The following MAP6 variants were observed in gnomAD, a reference collection of about 807,000 sequenced individuals.
MAP6 encodes the protein microtubule associated protein 6, also known as microtubule-associated protein 6.
In MAP6, 26 loss-of-function variants were observed where a neutral mutation model predicts 42.4. That is an observed-to-expected ratio of 0.61 (90% confidence interval 0.45 to 0.85). MAP6 has a LOEUF of 0.85. Ranked by LOEUF, MAP6 falls within the 40% of genes least tolerant of loss-of-function variation. The pLI is 0.00. For missense variants in MAP6, 966 were observed against 1,099.0 expected, an observed-to-expected ratio of 0.88 and a Z score of 1.71; for synonymous variants, 418 against 443.8, an observed-to-expected ratio of 0.94 and a Z score of 0.73.
intron 1 of MAP6, among the ~76,000 whole-genome samples, chr11:75,641,840 C>A (rs1943476205): frequency 6.6e-6 from 1 of 152,180 alleles, no homozygotes; most frequent in African/African-American, 2.4e-5. Context: ...TTCTACTCAA[C>A]CCCCAGAGTC....
chr11:75,610,389 C>T (rs535828510), intron 1 of MAP6, among the ~76,000 whole-genome samples: 3 of 152,300 alleles, frequency 2.0e-5, no homozygotes, highest in South Asian at 4.1e-4. Context: ...CATTCATTCA[C>T]GAAATATGTA....
intron 1 of MAP6, among the ~76,000 whole-genome samples, chr11:75,635,376 G>C (rs1257654517): frequency 6.6e-6 from 1 of 152,188 alleles, no homozygotes; most frequent in African/African-American, 2.4e-5. Context: ...AAGAGAAAAC[G>C]AGTGGCATCT....
intron 1 of MAP6, chr11:75,642,538 C>T (rs1442209578): frequency 6.4e-6 from 1 of 157,260 alleles, no homozygotes; most frequent in African/African-American, 2.4e-5. Context: ...CTCCTTAATA[C>T]AAACAAAAAT....
rs1229850626 is a variant in MAP6 at position 75,667,893 on chromosome 11, G to A, written c.477C>T (p.Asp159=). Residue 159 remains aspartate, a synonymous_variant, in exon 1 of 4, where the codon GAC becomes GAT. Transcript: ENST00000304771. The surrounding 1 kb of genome is among the most constrained non-coding windows in gnomAD (Gnocchi z 5.6). ...PFERETQYQK[D]FRAWPLPRRG... ...GGCGCGGCAGCGGCCAGGCGCGGAA[G>A]TCCTTCTGGTACTGGGTCTCGCGCT... 1.4e-6 allele frequency: 2 copies of A among 1,442,336 alleles called. No individual in the cohort carries two copies. Among genetic ancestry groups the A allele is most frequent in the African/African-American group, 2.9e-5 (2 of 68,744 alleles). 89.3% of individuals were successfully genotyped at this position (1,442,336 alleles called of 1,614,324 possible). A position where few individuals can be genotyped will look rare whatever the true frequency, so the allele number is the denominator to read the frequency against.
intron 3 of MAP6, chr11:75,603,212 G>A (rs775346800): frequency 2.5e-5 from 25 of 985,396 alleles, no homozygotes; most frequent in Non-Finnish European, 2.7e-5. Context: ...GGGAAACAGC[G>A]GGAAAGCTTC....
intron 1 of MAP6, among the ~76,000 whole-genome samples, chr11:75,652,934 G>A (rs554147204): frequency 6.6e-6 from 1 of 152,046 alleles, no homozygotes; most frequent in East Asian, 1.9e-4. Flanking sequence ...TTGGGGCACA[G>A]TTCTGTTTAT....
At chr11:75,608,814 T>C (rs1193608893) in intron 1 of MAP6, among the ~76,000 whole-genome samples, 1 of 152,194 alleles carries the variant, frequency 6.6e-6, no homozygotes, top group African/African-American at 2.4e-5. Flanking sequence ...ATGAAGAACT[T>C]TTGTTGCCCA....
In MAP6 at chr11:75,668,157, T is replaced by A; in HGVS notation, c.213A>T (p.Pro71=). 8.3e-7 allele frequency: 1 copy of A among 1,209,964 alleles called. No individual in the cohort carries two copies. The highest frequency in any genetic ancestry group is 1.0e-6 in the Non-Finnish European group (1 of 981,624). The allele number at this position is 1,209,964 out of a possible 1,614,324, so 75.0% of individuals were successfully genotyped here. The part of the protein sequence containing the change: ...SARAVAIETQ[P]AQGELDAVAR... ...CAACTGCATCCAACTCGCCCTGGGC[T>A]GGCTGCGTCTCTATGGCAACCGCGC... is the stretch of plus-strand genomic sequence containing the variant. The change falls in exon 1 of 4, where the codon CCA becomes CCT. Residue 71 remains proline (P), a synonymous_variant. Transcript: ENST00000304771.
Position 75,668,456 on chromosome 11 carries a change from C to A in MAP6, c.-87G>T. 1 of 1,426,054 alleles carries A rather than the reference C, an allele frequency of 7.0e-7. No individual in the cohort carries two copies. Among genetic ancestry groups the A allele is most frequent in the South Asian group, 1.6e-5 (1 of 64,506 alleles). The allele number at this position is 1,426,054 out of a possible 1,614,324, so 88.3% of individuals were successfully genotyped here. On this transcript the variant is annotated 5_prime_UTR_variant, in exon 1 of 4. Coordinates refer to ENST00000304771, the MANE Select transcript of MAP6 (RefSeq NM_033063.2). ...TCTTCCTTCAGCCTCCGATCCTGAC[C>A]GGCCAATGTGGTTCCCACCGTTTTC... is the stretch of plus-strand genomic sequence containing the variant.
chr11:75,601,995 A>G (rs1399376310), intron 3 of MAP6, among the ~76,000 whole-genome samples: 1 of 151,838 alleles, frequency 6.6e-6, no homozygotes, highest in African/African-American at 2.4e-5. Context: ...GCGGGGTCTC[A>G]GTCATCCTGG....
At chr11:75,632,821 A>G (rs1429415918) in intron 1 of MAP6, among the ~76,000 whole-genome samples, 2 of 152,166 alleles carry the variant, frequency 1.3e-5, no homozygotes, top group African/African-American at 4.8e-5. Flanking sequence ...CTGGCAGACA[A>G]TCATAGAGAT....
intron 1 of MAP6, among the ~76,000 whole-genome samples, chr11:75,633,436 T>C (rs1229870929): frequency 6.6e-6 from 1 of 152,212 alleles, no homozygotes. Flanking sequence ...TTAACATATA[T>C]TAACTTAGGT....
In MAP6 at chr11:75,587,715, C is replaced by A; in HGVS notation, c.1786G>T (p.Gly596Cys). The change falls in exon 4 of 4, where the codon GGT becomes TGT. Residue 596 changes from glycine to cysteine, a missense_variant. Gly to Cys is a radical substitution (Grantham distance 159, BLOSUM62 -3). Around this residue, in one of 2 missense-constraint regions of MAP6, gnomAD observed 943 missense variants for 1,049.9 expected, o/e 0.90. Coordinates refer to ENST00000304771, the MANE Select transcript of MAP6 (RefSeq NM_033063.2). ...TTGACAGGTGCTGAGACCATGGGAC[C>A]TTGATCCTTGACAGATGCTGAGACC... is the stretch of plus-strand genomic sequence containing the variant. ...PMVSASVKDQGPMVSAPVKDQ... is the reference protein window; with the variant it reads ...PMVSASVKDQCPMVSAPVKDQ... 5.0e-6 allele frequency: 8 copies of A among 1,610,516 alleles called. No homozygotes were observed. The highest frequency in any genetic ancestry group is 6.8e-6 in the Non-Finnish European group (8 of 1,177,486).
chr11:75,629,230 T>G (rs988475764), intron 1 of MAP6, among the ~76,000 whole-genome samples: 1 of 152,100 alleles, frequency 6.6e-6, no homozygotes, highest in Non-Finnish European at 1.5e-5. Context: ...TGGGATTACA[T>G]GCATGTGCCA....
intron 1 of MAP6, among the ~76,000 whole-genome samples, chr11:75,646,827 A>G (rs1170189037): frequency 6.6e-6 from 1 of 152,166 alleles, no homozygotes; most frequent in Non-Finnish European, 1.5e-5. Context: ...GGTGAGTAAA[A>G]TATTAGTAGA....
intron 3 of MAP6, among the ~76,000 whole-genome samples, chr11:75,592,306 A>G (rs527612464): frequency 6.6e-6 from 1 of 152,358 alleles, no homozygotes; most frequent in East Asian, 1.9e-4. Flanking sequence ...TGCTAGACAG[A>G]GAGCTCCCTG....
At chr11:75,621,144 GA>G (rs1031898273) in intron 1 of MAP6, among the ~76,000 whole-genome samples, 2 of 148,824 alleles carry the variant, frequency 1.3e-5, no homozygotes, top group South Asian at 2.1e-4. Context: ...AAAAAAAAAA[GA>G]AAAAGCATGT....
At chr11:75,605,488 G>T (rs1942745019) in intron 3 of MAP6, 1 of 1,130,966 alleles carries the variant, frequency 8.8e-7, no homozygotes, top group Non-Finnish European at 1.1e-6. Context: ...AGCACTGCCG[G>T]GAGATTCGTT....
chr11:75,625,695 AAAAC>A (rs1229683611), intron 1 of MAP6, among the ~76,000 whole-genome samples: 3 of 152,240 alleles, frequency 2.0e-5, no homozygotes, highest in African/African-American at 4.8e-5. Flanking sequence ...CAGAAAACAA[AAAAC>A]AAACAAACAA....
Sources: allele counts gnomAD v4.1 joint callset (sites outside exome capture counted in the v4.1 genomes callset), GRCh38; gene constraint gnomAD v4.1.1; regional missense constraint gnomAD v4.1.1; non-coding constraint Gnocchi (gnomAD v3.1); transcripts MANE v1.5; gene names NCBI Gene and HGNC (gene_info 2026-07-23, HGNC 2026-07-21).